Variants in ERC2 observed in about 807,000 individuals in gnomAD.
ERC2 encodes the protein ERC protein 2.
ERC2 carries 42 observed loss-of-function variants against 114.8 expected under a neutral mutation model. The observed-to-expected ratio is 0.37, with a 90% confidence interval of 0.29 to 0.47. ERC2 has a LOEUF of 0.47. ERC2 is among the 20% of genes least tolerant of loss of function. The probability of loss-of-function intolerance (pLI) is 0.99; values close to 1 mark genes in which losing one functional copy is unlikely to be tolerated. For missense variants in ERC2, 939 were observed against 1,150.7 expected (o/e 0.82, Z 2.66); for synonymous variants, 454 against 425.5 (o/e 1.07, Z -0.82).
At chr3:56,339,438 T>G (rs1352142208) in intron 2 of ERC2, among the ~76,000 whole-genome samples, 1 of 152,016 alleles carries the variant, frequency 6.6e-6, no homozygotes, top group Non-Finnish European at 1.5e-5. Flanking sequence ...CTCAGAATAC[T>G]TTGGCACTGC....
intron 17 of ERC2, among the ~76,000 whole-genome samples, chr3:55,620,983 C>T (rs1287565435): frequency 6.6e-6 from 1 of 152,180 alleles, no homozygotes; most frequent in Non-Finnish European, 1.5e-5. Context: ...AATACTCTGA[C>T]AGTGGTTTAT....
intron 13 of ERC2, among the ~76,000 whole-genome samples, chr3:55,942,927 T>C (rs2066898603): frequency 6.6e-6 from 1 of 152,238 alleles, no homozygotes; most frequent in African/African-American, 2.4e-5. Context: ...TTAACATTTT[T>C]AGAAGTTAAC....
chr3:55,544,376 G>T (rs1189038066), intron 17 of ERC2, among the ~76,000 whole-genome samples: 1 of 152,112 alleles, frequency 6.6e-6, no homozygotes, highest in Non-Finnish European at 1.5e-5. Context: ...AGTGACTGAT[G>T]TGCCATTTGG....
At chr3:55,750,935 A>G (rs2148966748) in intron 14 of ERC2, among the ~76,000 whole-genome samples, 1 of 152,308 alleles carries the variant, frequency 6.6e-6, no homozygotes, top group Middle Eastern at 3.4e-3. Context: ...TGGAATTAAA[A>G]TGACCCTTTC....
chr3:55,961,044 C>CGCTG (rs1250918601), intron 12 of ERC2, among the ~76,000 whole-genome samples: 28 of 152,246 alleles, frequency 1.8e-4, no homozygotes, highest in Admixed American at 1.8e-3. Context: ...TGAGCTACTC[C>CGCTG]GCTGGGGCGG....
intron 13 of ERC2, among the ~76,000 whole-genome samples, chr3:55,916,359 G>C (rs1187008627): frequency 1.3e-5 from 2 of 152,050 alleles, no homozygotes; most frequent in Non-Finnish European, 2.9e-5. Context: ...GCTTGTAACA[G>C]GTGATTTTTC....
At chr3:55,981,751 T>C (rs1170744341) in intron 12 of ERC2, among the ~76,000 whole-genome samples, 4 of 152,176 alleles carry the variant, frequency 2.6e-5, no homozygotes, top group Non-Finnish European at 5.9e-5. Context: ...AGAAAACCAA[T>C]GACATCTTTT....
rs558317939 is a variant in ERC2, at chr3:55,580,228, C to G, written c.*40-68952G>C. Among the ~76,000 whole-genome samples, 91 of 145,536 alleles carry G rather than the reference C, an allele frequency of 6.3e-4. 1 individual carries two copies. Among genetic ancestry groups the G allele is most frequent in the Middle Eastern group, 3.8e-3 (1 of 264 alleles). ...AATACCACTTGACAGCAATAGGAAG[C>G]ATATTTTTTTTTTTTTTGTCTTGGG... is the stretch of plus-strand genomic sequence containing the variant. On this transcript the variant is annotated intron_variant, in intron 17 of 17. Coordinates refer to ENST00000288221, the MANE Select transcript of ERC2 (RefSeq NM_015576.3).
chr3:55,713,946 C>T (rs1003011013), intron 15 of ERC2, among the ~76,000 whole-genome samples: 1 of 152,180 alleles, frequency 6.6e-6, no homozygotes, highest in South Asian at 2.1e-4. Context: ...TTTCTATCAA[C>T]CTTATCAAAA....
chr3:55,597,124 AAAG>A (rs1171542697), intron 17 of ERC2, among the ~76,000 whole-genome samples: 11 of 152,318 alleles, frequency 7.2e-5, no homozygotes, highest in African/African-American at 2.6e-4. Context: ...TTCTGTGTTA[AAAG>A]AAGAATGATT....
At chr3:55,988,733 A>G (rs2070822754) in intron 11 of ERC2, among the ~76,000 whole-genome samples, 1 of 152,196 alleles carries the variant, frequency 6.6e-6, no homozygotes, top group Admixed American at 6.5e-5. Flanking sequence ...TTCAAGTTCA[A>G]TTTTTGGTTT....
chr3:55,535,574 G>T (rs1384736198), intron 17 of ERC2, among the ~76,000 whole-genome samples: 1 of 152,216 alleles, frequency 6.6e-6, no homozygotes, highest in Non-Finnish European at 1.5e-5. Flanking sequence ...AGTGGAAAAG[G>T]TGGGAGTAAA....
intron 17 of ERC2, among the ~76,000 whole-genome samples, chr3:55,524,012 A>G (rs1405669273): frequency 6.6e-6 from 1 of 152,114 alleles, no homozygotes; most frequent in Non-Finnish European, 1.5e-5. Context: ...AAGTCACTTA[A>G]CCTCTCTGAG....
At chr3:56,301,715 TA>T (rs11285026) in intron 2 of ERC2, among the ~76,000 whole-genome samples, 77,195 of 150,042 alleles carry the variant, frequency 0.51, 20,766 homozygotes, top group East Asian at 0.7. Flanking sequence ...AAAATAAAAA[TA>T]AAAAAAAAAA....
At chr3:56,076,437 A>C (rs2076982003) in intron 7 of ERC2, among the ~76,000 whole-genome samples, 1 of 152,142 alleles carries the variant, frequency 6.6e-6, no homozygotes, top group Non-Finnish European at 1.5e-5. Context: ...GTTTTATGAC[A>C]TTTCCTACAA....
intron 17 of ERC2, among the ~76,000 whole-genome samples, chr3:55,516,519 T>G (rs1054571262): frequency 6.6e-6 from 1 of 151,596 alleles, no homozygotes; most frequent in Non-Finnish European, 1.5e-5. Flanking sequence ...AATGTAACAC[T>G]TCAGAACCCA....
In ERC2 at chr3:55,898,880, A is replaced by T. The variant is rs1274761251; in HGVS notation, c.2404-10331T>A. Among the ~76,000 whole-genome samples the T allele has an allele frequency of 3.3e-5, 5 of 152,196 alleles. No homozygotes were observed. The East Asian group carries it at 9.6e-4, about 29-fold the overall frequency. The stretch of plus-strand genomic sequence containing the variant: ...CTTACTTAGGCTAAATTCCAAACAT[A>T]AAGATGAAGGAACTGGAGAAGAAAA... On this transcript the variant is annotated intron_variant, in intron 13 of 17. Transcript: ENST00000288221.
At chr3:56,460,151 T>C (rs1315324742) in intron 1 of ERC2, among the ~76,000 whole-genome samples, 1 of 152,182 alleles carries the variant, frequency 6.6e-6, no homozygotes, top group Non-Finnish European at 1.5e-5. Context: ...GCTGAAAGAA[T>C]GAGCAGAAAA....
intron 17 of ERC2, among the ~76,000 whole-genome samples, chr3:55,592,782 T>A (rs927892563): frequency 6.6e-6 from 1 of 152,142 alleles, no homozygotes; most frequent in African/African-American, 2.4e-5. Context: ...TCTAGGTAGT[T>A]AAAACAGCAG....
Sources: allele counts gnomAD v4.1 joint callset (sites outside exome capture counted in the v4.1 genomes callset), GRCh38; gene constraint gnomAD v4.1.1; transcripts MANE v1.5; gene names NCBI Gene and HGNC (gene_info 2026-07-23, HGNC 2026-07-21).